The following CNTNAP5 variants were observed in gnomAD, a reference collection of about 807,000 sequenced individuals.
The protein encoded by CNTNAP5 is contactin-associated protein-like 5.
In CNTNAP5, 72 loss-of-function variants were observed where a neutral mutation model predicts 150.2. That is an observed-to-expected ratio of 0.48 (90% confidence interval 0.40 to 0.58). The LOEUF is 0.58. CNTNAP5 is among the 20% of genes least tolerant of loss of function. CNTNAP5 has a pLI of 0.00. For synonymous variants in CNTNAP5, 672 were observed against 619.8 expected (o/e 1.08, Z -1.25); for missense variants, 1,636 against 1,626.2 (o/e 1.01, Z -0.10).
chr2:124,689,183 G>A (rs1679252559), intron 13 of CNTNAP5, among the ~76,000 whole-genome samples: 1 of 152,100 alleles, frequency 6.6e-6, no homozygotes, highest in Non-Finnish European at 1.5e-5. Context: ...TTGGGTTTAT[G>A]TCAATTCCTG....
intron 8 of CNTNAP5, among the ~76,000 whole-genome samples, chr2:124,520,562 C>A (rs1330309605): frequency 2.6e-5 from 4 of 152,130 alleles, no homozygotes; most frequent in Non-Finnish European, 5.9e-5. Flanking sequence ...TGGGAGATGG[C>A]AAATAATACC....
At chr2:124,698,311 T>C (rs963819090) in intron 13 of CNTNAP5, among the ~76,000 whole-genome samples, 6 of 151,584 alleles carry the variant, frequency 4.0e-5, no homozygotes, top group South Asian at 2.1e-4. Context: ...CCTCATTCTC[T>C]GCAGATACTC....
chr2:124,341,115 G>A (rs912791247), intron 3 of CNTNAP5, among the ~76,000 whole-genome samples: 1 of 151,628 alleles, frequency 6.6e-6, no homozygotes, highest in Middle Eastern at 3.4e-3. Context: ...AGTCTGTCTG[G>A]TGTGTCTCAC....
At position 124,497,711 on chromosome 2, in the gene CNTNAP5, C is replaced by G. The variant is rs564404298; in HGVS notation, c.1063-6581C>G. Among the ~76,000 whole-genome samples, 61 of 152,276 alleles carry G rather than the reference C, an allele frequency of 4.0e-4. No individual in the cohort carries two copies. The Middle Eastern group carries it at 0.014, about 34-fold the overall frequency. ...GAGACCTGGCAAAAATACCCAGTGA[C>G]CAATGAACATACGAGAGTCCAGGTT... On this transcript the variant is annotated intron_variant, in intron 7 of 23. Coordinates refer to ENST00000682447, the MANE Select transcript of CNTNAP5 (RefSeq NM_001367498.1).
intron 1 of CNTNAP5, among the ~76,000 whole-genome samples, chr2:124,166,437 G>C (rs977164432): frequency 1.3e-5 from 2 of 152,190 alleles, no homozygotes; most frequent in African/African-American, 4.8e-5. Flanking sequence ...CAAGAATGAG[G>C]AAGTGGGTAT....
intron 1 of CNTNAP5, among the ~76,000 whole-genome samples, chr2:124,103,326 T>G (rs1421221623): frequency 2.0e-5 from 3 of 152,076 alleles, no homozygotes; most frequent in Non-Finnish European, 4.4e-5. Flanking sequence ...AATTTATGAT[T>G]GAAGAATAAT....
At chr2:124,748,328 G>A (rs1489446206) in intron 14 of CNTNAP5, among the ~76,000 whole-genome samples, 1 of 152,130 alleles carries the variant, frequency 6.6e-6, no homozygotes, top group Non-Finnish European at 1.5e-5. Flanking sequence ...TCTGCAGCCA[G>A]AGTTTCTTAG....
intron 1 of CNTNAP5, among the ~76,000 whole-genome samples, chr2:124,042,181 G>T (rs1424331810): frequency 6.6e-6 from 1 of 152,072 alleles, no homozygotes; most frequent in Non-Finnish European, 1.5e-5. Context: ...TTTTAAAAGA[G>T]GTTTTCTTCC....
intron 8 of CNTNAP5, among the ~76,000 whole-genome samples, chr2:124,507,744 C>G (rs888009030): frequency 6.6e-6 from 1 of 152,180 alleles, no homozygotes; most frequent in African/African-American, 2.4e-5. Context: ...AAGTCCCCCA[C>G]AAAAGACAGC....
At chr2:124,604,188 A>G (rs780536426) in intron 11 of CNTNAP5, among the ~76,000 whole-genome samples, 7 of 152,304 alleles carry the variant, frequency 4.6e-5, no homozygotes, top group Non-Finnish European at 8.8e-5. Flanking sequence ...CTTATTACCA[A>G]TTCTAAGATA....
At chr2:124,680,416 TC>T (rs1403480655) in intron 13 of CNTNAP5, among the ~76,000 whole-genome samples, 2 of 151,900 alleles carry the variant, frequency 1.3e-5, no homozygotes, top group African/African-American at 4.8e-5. Context: ...CCAACTGCAT[TC>T]CTGTGGCTTG....
At chr2:124,671,637 T>G (rs1428040494) in intron 13 of CNTNAP5, among the ~76,000 whole-genome samples, 1 of 152,096 alleles carries the variant, frequency 6.6e-6, no homozygotes, top group East Asian at 1.9e-4. Flanking sequence ...CTTATTTTTA[T>G]TTTTAGTTAT....
At chr2:124,412,858 A>G (rs1691808698) in intron 3 of CNTNAP5, among the ~76,000 whole-genome samples, 1 of 102,936 alleles carries the variant, frequency 9.7e-6, no homozygotes, top group South Asian at 4.0e-4. Flanking sequence ...AGCAATGGCA[A>G]CAAAAGCCAA....
intron 13 of CNTNAP5, among the ~76,000 whole-genome samples, chr2:124,728,201 A>C (rs1338622569): frequency 6.6e-6 from 1 of 152,024 alleles, no homozygotes; most frequent in South Asian, 2.1e-4. Context: ...CTAGTATTCT[A>C]TCGAGGATTC....
intron 19 of CNTNAP5, among the ~76,000 whole-genome samples, chr2:124,846,856 A>G (rs530582595): frequency 1.3e-5 from 2 of 152,298 alleles, no homozygotes; most frequent in African/African-American, 4.8e-5. Context: ...GGGTCTAGCC[A>G]CGCAGTAGAG....
chr2:124,337,857 G>C (rs1689514968), intron 3 of CNTNAP5, among the ~76,000 whole-genome samples: 1 of 151,970 alleles, frequency 6.6e-6, no homozygotes, highest in African/African-American at 2.4e-5. Context: ...GGTGATGCGG[G>C]CTCTTTTTTG....
At chr2:124,554,760 G>A (rs1168958068) in intron 10 of CNTNAP5, among the ~76,000 whole-genome samples, 1 of 151,960 alleles carries the variant, frequency 6.6e-6, no homozygotes, top group Non-Finnish European at 1.5e-5. Context: ...AATTATACTC[G>A]AATAGGCCAA....
chr2:124,425,869 G>A (rs1420277757), intron 4 of CNTNAP5, among the ~76,000 whole-genome samples: 1 of 152,078 alleles, frequency 6.6e-6, no homozygotes, highest in Non-Finnish European at 1.5e-5. Context: ...TACAGAATAT[G>A]CTTAATACCT....
At chr2:124,400,470 C>T (rs1691376837) in intron 3 of CNTNAP5, among the ~76,000 whole-genome samples, 1 of 151,912 alleles carries the variant, frequency 6.6e-6, no homozygotes, top group Non-Finnish European at 1.5e-5. Context: ...TTCTCTTTGC[C>T]CCAAGGCTTT....
Sources: allele counts gnomAD v4.1 joint callset (sites outside exome capture counted in the v4.1 genomes callset), GRCh38; gene constraint gnomAD v4.1.1; transcripts MANE v1.5; gene names NCBI Gene and HGNC (gene_info 2026-07-23, HGNC 2026-07-21).